The following NEB variants were observed in gnomAD, a reference collection of about 807,000 sequenced individuals.
The protein encoded by NEB is nebulin.
In NEB, 512 loss-of-function variants were observed where a neutral mutation model predicts 952.2. The observed-to-expected ratio is 0.54, with a 90% CI of 0.50 to 0.58. The LOEUF is 0.58. Ranked by LOEUF, NEB falls within the 20% of genes least tolerant of loss-of-function variation. The probability of loss-of-function intolerance (pLI) is 0.00; values close to 1 mark genes in which losing one functional copy is unlikely to be tolerated. For synonymous variants in NEB, 2,900 were observed against 3,149.8 expected, an observed-to-expected ratio of 0.92 and a Z score of 2.66; for missense variants, 8,428 against 9,231.1, an observed-to-expected ratio of 0.91 and a Z score of 3.56.
intron 10 of NEB, among the ~76,000 whole-genome samples, chr2:151,716,836 A>G (rs2099760473): frequency 6.6e-6 from 1 of 152,186 alleles, no homozygotes; most frequent in South Asian, 2.1e-4. Context: ...TTAAAATAGG[A>G]ATTTAGCATG....
At chr2:151,731,769 G>C (rs746686431) in intron 3 of NEB, among the ~76,000 whole-genome samples, 1 of 152,166 alleles carries the variant, frequency 6.6e-6, no homozygotes, top group Non-Finnish European at 1.5e-5. Flanking sequence ...ATTTAAGTTG[G>C]AGAGTAAAAA....
intron 129 of NEB, among the ~76,000 whole-genome samples, chr2:151,550,402 C>G (rs1371802867): frequency 2.0e-5 from 3 of 152,092 alleles, no homozygotes; most frequent in Admixed American, 1.3e-4. Context: ...TGCCATTACT[C>G]CATCCTCAGG....
rs148581337 is a variant in NEB at position 151,634,616 on chromosome 2, T to C, written c.9103-651A>G. 3.6e-3 allele frequency among the ~76,000 whole-genome samples: 549 copies of C among 152,178 alleles called. 9 individuals are homozygous for C. Among genetic ancestry groups the C allele is most frequent in the East Asian group, 0.025 (128 of 5,182 alleles). On this transcript the variant is annotated intron_variant, in intron 64 of 181. Coordinates refer to ENST00000397345, the MANE Select transcript of NEB (RefSeq NM_001164508.2). Reference sequence around the variant, plus strand: ...AAAATTACGCCACTGCACTCCAGCCTGGGTGACAGCAAGACTCCATCTCAA... The same window carrying C: ...AAAATTACGCCACTGCACTCCAGCCCGGGTGACAGCAAGACTCCATCTCAA...
chr2:151,646,797 G>A (rs1312901921), intron 54 of NEB, among the ~76,000 whole-genome samples: 1 of 152,084 alleles, frequency 6.6e-6, no homozygotes, highest in African/African-American at 2.4e-5. Context: ...TTACAGGCAT[G>A]TGCCACCATA....
chr2:151,631,180 T>A lies in NEB; in HGVS notation c.9581A>T (p.Gln3194Leu). 1 of 1,613,988 alleles carries A rather than the reference T, an allele frequency of 6.2e-7. No individual in the cohort carries two copies. Among genetic ancestry groups the A allele is most frequent in the Non-Finnish European group, 8.5e-7 (1 of 1,179,868 alleles). ...KFTSVTDSLEQVLAKNNALNM... is the reference protein window; with the variant it reads ...KFTSVTDSLELVLAKNNALNM... ...GAGAGCATTGTTCTTGGCCAGCACC[T>A]GCTCTAGAGAATCAGTCACACTGGT... Residue 3194 changes from glutamine (Q) to leucine (L), a missense_variant, in exon 66 of 182, where the codon CAG becomes CTG. Gln to Leu is a moderately radical substitution (Grantham distance 113, BLOSUM62 -2). Transcript: ENST00000397345.
At chr2:151,497,603 T>G in intron 171 of NEB, 23 bp downstream of exon 171, 1 of 1,550,508 alleles carries the variant, frequency 6.4e-7, no homozygotes, top group Non-Finnish European at 8.7e-7. Context: ...ATAAGTAGTT[T>G]TTTTCTTTTC....
chr2:151,632,750 C>T (rs1285185935), intron 65 of NEB, among the ~76,000 whole-genome samples: 1 of 150,380 alleles, frequency 6.6e-6, no homozygotes, highest in Non-Finnish European at 1.5e-5. Flanking sequence ...CTTTCAAATA[C>T]TTCCCACATT....
chr2:151,644,428 ATTG>A, intron 56 of NEB, 37 bp downstream of exon 56: 1 of 1,530,118 alleles, frequency 6.5e-7, no homozygotes, highest in Non-Finnish European at 9.0e-7. Flanking sequence ...GAAGTGATAA[ATTG>A]CAATCAAATC....
At chr2:151,537,071 T>A (rs935762606) in intron 141 of NEB, 61 bp downstream of exon 141, 2 of 1,037,204 alleles carry the variant, frequency 1.9e-6, no homozygotes, top group Non-Finnish European at 2.9e-6. Flanking sequence ...TCAGTGCTAA[T>A]TCTCTCTGGG....
rs1302504585 is a variant in NEB at position 151,610,875 on chromosome 2, C to T, written c.11806-9G>A. 2 of 1,561,618 alleles carry T rather than the reference C, an allele frequency of 1.3e-6. No individual in the cohort carries two copies. The highest frequency in any genetic ancestry group is 1.7e-6 in the Non-Finnish European group (2 of 1,149,002). ...GCTTCTGTGTATAAATGCTACAGGG[C>T]AGGGCGGCATGGGGCATGGGGAGAG... On this transcript the variant is annotated splice_polypyrimidine_tract_variant and intron_variant, in intron 78 of 181. Transcript: ENST00000397345.
At chr2:151,574,422 T>G (rs1179151282) in intron 107 of NEB, among the ~76,000 whole-genome samples, 1 of 152,204 alleles carries the variant, frequency 6.6e-6, no homozygotes, top group Non-Finnish European at 1.5e-5. Flanking sequence ...TGAGGATGAG[T>G]TGGCCTTTGA....
intron 61 of NEB, 135 bp downstream of exon 61, chr2:151,640,220 A>C: frequency 6.8e-7 from 1 of 1,479,140 alleles, no homozygotes; most frequent in East Asian, 2.3e-5. Flanking sequence ...TAAAGGATTA[A>C]AATTCCTGTC....
intron 124 of NEB, among the ~76,000 whole-genome samples, chr2:151,557,064 T>A (rs1183043101): frequency 6.6e-6 from 1 of 151,888 alleles, no homozygotes; most frequent in East Asian, 1.9e-4. Context: ...TTCAAAAAAA[T>A]CAATGAATCC....
chr2:151,573,714 A>T (rs908197259), intron 107 of NEB, among the ~76,000 whole-genome samples: 2 of 152,174 alleles, frequency 1.3e-5, no homozygotes, highest in Non-Finnish European at 2.9e-5. Flanking sequence ...GGCAAATTGC[A>T]CTAAGGTAGT....
Position 151,697,167 on chromosome 2 carries a change from T to A in NEB, c.1451A>T (p.Lys484Ile). 6.2e-7 allele frequency: 1 copy of A among 1,613,348 alleles called. No individual in the cohort carries two copies. Among genetic ancestry groups the A allele is most frequent in the Non-Finnish European group, 8.5e-7 (1 of 1,179,684 alleles). Residue 484 changes from lysine (K) to isoleucine (I), a missense_variant, in exon 16 of 182, where the codon AAA becomes ATA. By Grantham distance (102) the Lys-to-Ile change is moderately radical. Coordinates refer to ENST00000397345, the MANE Select transcript of NEB (RefSeq NM_001164508.2). ...ACTTACGTCTTTACACTGATCTAGT[T>A]TCTTAATTGCTTCATATTCTTGAGT... Reference protein sequence around the residue: ...TITQEYEAIKKLDQCKDHTYK... With the variant: ...TITQEYEAIKILDQCKDHTYK...
chr2:151,529,214 G>A lies in NEB; in HGVS notation c.21731C>T (p.Thr7244Ile). Residue 7244 changes from threonine to isoleucine, a missense_variant, in exon 146 of 182, where the codon ACC becomes ATC. Thr to Ile is a moderately conservative substitution (Grantham distance 89, BLOSUM62 -1). Around this residue, in one of 11 missense-constraint regions of NEB, gnomAD observed 3,374 missense variants for 3,651.5 expected, o/e 0.92. Coordinates refer to ENST00000397345, the MANE Select transcript of NEB (RefSeq NM_001164508.2). ...KAAKDAYKVN[T>I]NLDYKKQYEA... ...GGGGAAGTTTCTGGAACTTACATTG[G>A]TGTTGACTTTGTAGGCGTCCTTGGC... 2 of 1,604,324 alleles carry A rather than the reference G, an allele frequency of 1.2e-6. No individual in the cohort carries two copies. The highest frequency in any genetic ancestry group is 1.7e-6 in the Non-Finnish European group (2 of 1,171,136).
At chr2:151,613,910 T>A (rs2098112103) in intron 77 of NEB, among the ~76,000 whole-genome samples, 2 of 152,238 alleles carry the variant, frequency 1.3e-5, no homozygotes, top group African/African-American at 4.8e-5. Context: ...CTTTTCTTCA[T>A]AAATTACCCA....
intron 74 of NEB, among the ~76,000 whole-genome samples, chr2:151,617,995 G>A (rs1265991676): frequency 6.6e-6 from 1 of 152,168 alleles, no homozygotes; most frequent in Non-Finnish European, 1.5e-5. Flanking sequence ...AGGAGGTGGA[G>A]GTTGCAGTGA....
rs748770036 is a variant in NEB at position 151,538,179 on chromosome 2, G to A, written c.20958C>T (p.Asp6986=). 5.0e-6 allele frequency: 8 copies of A among 1,612,938 alleles called. No homozygotes were observed. In the Admixed American group the frequency reaches 5.0e-5, roughly 10 times the overall value. ...CTGTGACTTTGCGATGATAGACAATGTCTAGGGCATCTTTCACCGTGTGGT... is the reference window on the plus strand; with the variant it reads ...CTGTGACTTTGCGATGATAGACAATATCTAGGGCATCTTTCACCGTGTGGT... ...GKYHTVKDAL[D]IVYHRKVTDD... The change falls in exon 139 of 182, where the codon GAC becomes GAT. Residue 6986 remains aspartate (D), a synonymous_variant. Transcript: ENST00000397345.
Sources: gnomAD v4.1 joint callset for allele counts (sites outside exome capture counted in the v4.1 genomes callset) on GRCh38, gnomAD v4.1.1 for gene constraint, gnomAD v4.1.1 regional missense constraint, MANE v1.5 for transcripts, NCBI Gene and HGNC (gene_info 2026-07-23, HGNC 2026-07-21) for gene names.